Variants in DMD observed in about 807,000 individuals in gnomAD.
The protein encoded by DMD is dystrophin.
DMD carries 63 observed loss-of-function variants against 330.1 expected under a neutral mutation model. The observed-to-expected ratio is 0.19, with a 90% CI of 0.16 to 0.24. DMD has a LOEUF of 0.24. Ranked by LOEUF, DMD falls within the 10% of genes least tolerant of loss-of-function variation. The pLI is 1.00. For synonymous variants in DMD, 1,223 were observed against 959.8 expected (o/e 1.27, Z -5.07); for missense variants, 3,344 against 2,684.1 (o/e 1.25, Z -5.43).
At chrX:32,846,044 G>A (rs2080631024) in intron 3 of DMD, among the ~76,000 whole-genome samples, 2 of 111,764 alleles carry the variant, frequency 1.8e-5, no homozygotes, top group East Asian at 2.8e-4. Context: ...TGTACATATG[G>A]TTTCTGGCAG....
intron 55 of DMD, among the ~76,000 whole-genome samples, chrX:31,571,420 T>G (rs2075816213): frequency 9.5e-6 from 1 of 104,996 alleles, no homozygotes; most frequent in Admixed American, 1.0e-4. Context: ...CTTCTAACAT[T>G]ACCATGTTCT....
At chrX:32,131,584 G>A (rs758263823) in intron 44 of DMD, among the ~76,000 whole-genome samples, 12 of 111,891 alleles carry the variant, frequency 1.1e-4, no homozygotes, top group Non-Finnish European at 1.5e-4. Context: ...CATTCTTGTC[G>A]CATTGGAAAA....
At chrX:32,573,437 T>A (rs1318357029) in intron 15 of DMD, 93 bp downstream of exon 15, 2 of 700,101 alleles carry the variant, frequency 2.9e-6, no homozygotes, top group East Asian at 3.4e-5. Flanking sequence ...AAAATAAACA[T>A]TTAATATTCA....
intron 55 of DMD, among the ~76,000 whole-genome samples, chrX:31,621,197 G>A (rs990395798): frequency 9.0e-6 from 1 of 111,614 alleles, no homozygotes; most frequent in African/African-American, 3.3e-5. Flanking sequence ...AGCAGGCACT[G>A]ATTTCTCATT....
intron 63 of DMD, among the ~76,000 whole-genome samples, chrX:31,259,554 G>A (rs1013376974): frequency 1.7e-4 from 19 of 111,619 alleles, no homozygotes; most frequent in African/African-American, 6.2e-4. Context: ...AATTTTAAAC[G>A]TTTACACACT....
At chrX:31,978,383 C>G (rs187091859) in intron 44 of DMD, among the ~76,000 whole-genome samples, 1 of 110,865 alleles carries the variant, frequency 9.0e-6, no homozygotes, top group African/African-American at 3.3e-5. Flanking sequence ...TGCTTTTCCT[C>G]CAGCCTGGTT....
intron 7 of DMD, among the ~76,000 whole-genome samples, chrX:32,702,485 A>T (rs764324749): frequency 9.0e-6 from 1 of 111,327 alleles, no homozygotes; most frequent in African/African-American, 3.3e-5. Flanking sequence ...AGTAGTGAAA[A>T]CTAAGATGAA....
intron 44 of DMD, among the ~76,000 whole-genome samples, chrX:31,994,963 G>A (rs1199482233): frequency 1.8e-5 from 2 of 111,710 alleles, no homozygotes; most frequent in Non-Finnish European, 3.8e-5. Context: ...AATTCAAAGG[G>A]GTCATGGATA....
chrX:32,818,576 A>C (rs111563990), intron 5 of DMD, among the ~76,000 whole-genome samples: 1 of 111,923 alleles, frequency 8.9e-6, no homozygotes, highest in African/African-American at 3.3e-5. Flanking sequence ...GCATACAACT[A>C]TAAATCAATT....
intron 44 of DMD, among the ~76,000 whole-genome samples, chrX:32,158,207 G>A (rs1603627351): frequency 1.8e-5 from 2 of 110,645 alleles, no homozygotes; most frequent in Admixed American, 9.7e-5. Context: ...GATGAGAATG[G>A]AATAGATATT....
At chrX:32,958,960 T>G (rs369740079) in intron 2 of DMD, among the ~76,000 whole-genome samples, 5 of 108,832 alleles carry the variant, frequency 4.6e-5, no homozygotes, top group East Asian at 5.9e-4. Flanking sequence ...AGGAATTTTT[T>G]GGGGGGGGAT....
rs190321837 is a variant in DMD, at chrX:32,114,039, T to G, written c.6438+102877A>C. ...ATGTCAACATTTTGTTGCTAAATTA[T>G]AACATTAAGTAATCCAGATCACACA... On this transcript the variant is annotated intron_variant, in intron 44 of 78. Transcript: ENST00000357033. 3.2e-3 allele frequency among the ~76,000 whole-genome samples: 361 copies of G among 112,414 alleles called. 2 individuals are homozygous for G. The highest frequency in any genetic ancestry group is 0.011 in the African/African-American group (347 of 30,997).
chrX:31,157,410 C>T (rs758577453), intron 74 of DMD, among the ~76,000 whole-genome samples: 1 of 111,974 alleles, frequency 8.9e-6, no homozygotes, highest in South Asian at 3.8e-4. Flanking sequence ...GACAGACTAA[C>T]AAAACCTAAG....
chrX:32,571,436 C>T (rs1185584059), intron 15 of DMD, among the ~76,000 whole-genome samples: 1 of 111,671 alleles, frequency 9.0e-6, no homozygotes, highest in Middle Eastern at 4.2e-3. Context: ...TGTGATACCA[C>T]TTTCCCCTTG....
intron 44 of DMD, among the ~76,000 whole-genome samples, chrX:32,070,963 C>T (rs1217745189): frequency 1.8e-5 from 2 of 111,476 alleles, no homozygotes; most frequent in African/African-American, 3.3e-5. Flanking sequence ...TGGTTTCCAG[C>T]TTCATCCATG....
At chrX:33,083,247 A>G (rs2094957452) in intron 1 of DMD, among the ~76,000 whole-genome samples, 1 of 112,332 alleles carries the variant, frequency 8.9e-6, no homozygotes, top group Non-Finnish European at 1.9e-5. Context: ...TTATGGAACC[A>G]TAAACAAGAT....
At chrX:32,576,138 GAGT>G (rs963896126) in intron 13 of DMD, among the ~76,000 whole-genome samples, 9 of 111,736 alleles carry the variant, frequency 8.1e-5, no homozygotes, top group African/African-American at 2.9e-4. Flanking sequence ...AAAACTAATA[GAGT>G]AGTTCTCCTT....
chrX:31,318,090 G>A (rs1342397514), intron 62 of DMD, among the ~76,000 whole-genome samples: 1 of 112,295 alleles, frequency 8.9e-6, no homozygotes, highest in Non-Finnish European at 1.9e-5. Flanking sequence ...ATGAGAGCAA[G>A]ATATGCTTTA....
intron 55 of DMD, among the ~76,000 whole-genome samples, chrX:31,511,237 CATAATATAAT>C (rs768883964): frequency 1.5e-4 from 16 of 106,275 alleles, no homozygotes; most frequent in Non-Finnish European, 2.3e-4. Flanking sequence ...ATACATTATA[CATAATATAAT>C]ATAATATAAT....
Sources: gnomAD v4.1 joint callset for allele counts (sites outside exome capture counted in the v4.1 genomes callset) on GRCh38, gnomAD v4.1.1 for gene constraint, MANE v1.5 for transcripts, NCBI Gene and HGNC (gene_info 2026-07-23, HGNC 2026-07-21) for gene names.